PIK3C2G: variants seen among roughly 807,000 people sequenced by gnomAD.
PIK3C2G encodes phosphatidylinositol-4-phosphate 3-kinase catalytic subunit type 2 gamma.
PIK3C2G carries 168 observed loss-of-function variants against 181.1 expected under a neutral mutation model. The observed-to-expected ratio is 0.93, with a 90% CI of 0.82 to 1.05. PIK3C2G has a LOEUF of 1.05. Ranked by LOEUF, PIK3C2G falls within the 50% of genes least tolerant of loss-of-function variation. The pLI is 0.00. For synonymous variants in PIK3C2G, 573 were observed against 592.2 expected (o/e 0.97, Z 0.47); for missense variants, 1,869 against 1,732.8 (o/e 1.08, Z -1.40).
intron 1 of PIK3C2G, among the ~76,000 whole-genome samples, chr12:18,255,446 C>A (rs184171564): frequency 1.3e-5 from 2 of 152,248 alleles, no homozygotes; most frequent in East Asian, 3.9e-4. Flanking sequence ...GACAAAATTT[C>A]TCTCACTTGT....
intron 1 of PIK3C2G, among the ~76,000 whole-genome samples, chr12:18,261,981 G>C (rs1303881318): frequency 6.6e-6 from 1 of 151,978 alleles, no homozygotes; most frequent in Non-Finnish European, 1.5e-5. Context: ...CTTGAATCTC[G>C]TGCCACTAGC....
At chr12:18,547,978 G>T (rs1165976193) in intron 26 of PIK3C2G, among the ~76,000 whole-genome samples, 5 of 151,960 alleles carry the variant, frequency 3.3e-5, no homozygotes, top group Admixed American at 3.3e-4. Flanking sequence ...GAAGGGCAGC[G>T]TCACAGAGTC....
intron 18 of PIK3C2G, among the ~76,000 whole-genome samples, chr12:18,461,728 G>C (rs368784555): frequency 2.0e-5 from 3 of 152,298 alleles, no homozygotes. Context: ...ACAGCTAAAA[G>C]ATGCCATCTG....
chr12:18,665,605 C>T, the PIK3C2G span, among the ~76,000 whole-genome samples: 1 of 152,030 alleles, frequency 6.6e-6, no homozygotes, highest in Non-Finnish European at 1.5e-5. Context: ...CTAGCCTGAC[C>T]AACATAGTGA....
At chr12:18,398,140 T>C (rs941625236) in intron 15 of PIK3C2G, among the ~76,000 whole-genome samples, 7 of 152,180 alleles carry the variant, frequency 4.6e-5, no homozygotes, top group African/African-American at 1.7e-4. Flanking sequence ...AACTATTTTA[T>C]ATCTTGATAG....
chr12:18,372,124 A>C (rs1439020151), intron 13 of PIK3C2G, among the ~76,000 whole-genome samples: 1 of 152,142 alleles, frequency 6.6e-6, no homozygotes, highest in African/African-American at 2.4e-5. Context: ...AATATAAAAA[A>C]TTATTATCAG....
chr12:18,637,287 C>T (rs1251384943), intron 31 of PIK3C2G, among the ~76,000 whole-genome samples: 2 of 152,048 alleles, frequency 1.3e-5, no homozygotes, highest in Non-Finnish European at 2.9e-5. Context: ...CCAGTCTCTC[C>T]TTCATTCAAG....
intron 18 of PIK3C2G, among the ~76,000 whole-genome samples, chr12:18,452,398 T>C (rs934221465): frequency 1.3e-5 from 2 of 152,194 alleles, no homozygotes; most frequent in African/African-American, 4.8e-5. Flanking sequence ...TTTATACTTC[T>C]GTGGGATCAG....
the PIK3C2G span, chr12:18,705,155 A>G: frequency 6.2e-7 from 1 of 1,613,828 alleles, no homozygotes; most frequent in African/African-American, 1.3e-5. Context: ...TTTCTCAGAA[A>G]AAAATGTTAC....
chr12:18,305,762 A>G (rs1950393762), intron 5 of PIK3C2G, among the ~76,000 whole-genome samples: 1 of 150,686 alleles, frequency 6.6e-6, no homozygotes, highest in East Asian at 1.9e-4. Context: ...ATTTTGTGGG[A>G]AAAAACAATA....
intron 6 of PIK3C2G, among the ~76,000 whole-genome samples, chr12:18,316,954 C>G (rs1313683307): frequency 6.6e-6 from 1 of 151,318 alleles, no homozygotes; most frequent in African/African-American, 2.4e-5. Flanking sequence ...GCAGGGGTAA[C>G]TTCCATGCAG....
the PIK3C2G span, chr12:18,693,186 T>A: frequency 6.4e-7 from 1 of 1,559,170 alleles, no homozygotes; most frequent in Non-Finnish European, 8.8e-7. Context: ...CAGCATTCTT[T>A]CATTTGCAGA....
intron 25 of PIK3C2G, 51 bp from the exon 26 acceptor site, chr12:18,546,272 C>A: frequency 1.9e-6 from 2 of 1,071,964 alleles, no homozygotes; most frequent in Non-Finnish European, 2.8e-6. Flanking sequence ...TTGATTGTAT[C>A]TGCATTTATT....
intron 31 of PIK3C2G, 56 bp downstream of exon 31, chr12:18,609,685 C>G: frequency 1.9e-6 from 2 of 1,079,048 alleles, no homozygotes; most frequent in Non-Finnish European, 2.8e-6. Context: ...AAATCACTTA[C>G]CTCCTTTGGG....
rs201307262 is a variant in PIK3C2G, at chr12:18,282,557, A to G, written c.476A>G (p.Glu159Gly). The change falls in exon 2 of 33, where the codon GAA (glutamate) becomes GGA (glycine). Residue 159 changes from glutamate to glycine, a missense_variant. Glu to Gly is a moderately conservative substitution (Grantham distance 98). Coordinates refer to ENST00000538779, the MANE Select transcript of PIK3C2G (RefSeq NM_001288772.2). The stretch of plus-strand genomic sequence containing the variant: ...TTGGATAAAATTAATCTAGAGAAAG[A>G]ATTAGAAAATGAAAATCATAACTAC... ...TSLDKINLEK[E>G]LENENHNYHI... The G allele has an allele frequency of 1.8e-4, 290 of 1,611,292 alleles. No homozygotes were observed. Among genetic ancestry groups the G allele is most frequent in the Non-Finnish European group, 2.3e-4 (276 of 1,178,034 alleles).
intron 9 of PIK3C2G, among the ~76,000 whole-genome samples, chr12:18,340,303 T>G (rs956967073): frequency 2.0e-5 from 3 of 152,060 alleles, no homozygotes; most frequent in African/African-American, 7.2e-5. Context: ...AAAAATCTCA[T>G]AATGTTTTAA....
upstream of PIK3C2G, among the ~76,000 whole-genome samples, chr12:18,256,817 T>G (rs937067155): frequency 6.6e-6 from 1 of 152,154 alleles, no homozygotes; most frequent in Non-Finnish European, 1.5e-5. Flanking sequence ...TTCATTTTTT[T>G]TATTATGCTA....
Position 18,294,026 on chromosome 12 carries a change from T to C in PIK3C2G, c.1034+11T>C. The C allele has an allele frequency of 7.8e-7, 1 of 1,278,382 alleles. No individual in the cohort carries two copies. The highest frequency in any genetic ancestry group is 1.1e-6 in the Non-Finnish European group (1 of 882,532). 79.2% of individuals were successfully genotyped at this position (1,278,382 alleles called of 1,614,324 possible). A position where few individuals can be genotyped will look rare whatever the true frequency, so the allele number is the denominator to read the frequency against. On this transcript the variant is annotated intron_variant, in intron 5 of 32. Transcript: ENST00000538779. ...AGAATTTTTACAAAAGTAAGTATTTTATGAAATTTTGGTTGTATTATAATC... is the reference window on the plus strand; with the variant it reads ...AGAATTTTTACAAAAGTAAGTATTTCATGAAATTTTGGTTGTATTATAATC...
At chr12:18,489,403 T>A (rs1401357291) in intron 19 of PIK3C2G, among the ~76,000 whole-genome samples, 2 of 152,084 alleles carry the variant, frequency 1.3e-5, no homozygotes, top group Non-Finnish European at 2.9e-5. Context: ...ACTTATAATC[T>A]AAAATCAACA....
Sources: gnomAD v4.1 joint callset for allele counts (sites outside exome capture counted in the v4.1 genomes callset) on GRCh38, gnomAD v4.1.1 for gene constraint, MANE v1.5 for transcripts, NCBI Gene and HGNC (gene_info 2026-07-23, HGNC 2026-07-21) for gene names.